The following PRKCH variants were observed in gnomAD, a reference collection of about 807,000 sequenced individuals.
The protein encoded by PRKCH is protein kinase C eta.
PRKCH carries 28 observed loss-of-function variants against 82.5 expected under a neutral mutation model. The observed-to-expected ratio is 0.34, with a 90% confidence interval of 0.25 to 0.47. The LOEUF (loss-of-function observed/expected upper bound fraction) is 0.47. PRKCH is among the 20% of genes least tolerant of loss of function. PRKCH has a pLI of 1.00. For synonymous variants in PRKCH, 322 were observed against 327.4 expected, an observed-to-expected ratio of 0.98 and a Z score of 0.18; for missense variants, 705 against 881.8, an observed-to-expected ratio of 0.80 and a Z score of 2.54.
At chr14:61,294,936 G>A (rs1290293830) in intron 1 of PRKCH, among the ~76,000 whole-genome samples, 2 of 152,020 alleles carry the variant, frequency 1.3e-5, no homozygotes, top group African/African-American at 2.4e-5. Flanking sequence ...GCAGTGGTGC[G>A]ATCTTGGCTC....
intron 10 of PRKCH, among the ~76,000 whole-genome samples, chr14:61,519,422 G>A (rs1240632502): frequency 6.6e-6 from 1 of 152,110 alleles, no homozygotes; most frequent in Admixed American, 6.5e-5. Flanking sequence ...TTTTAAAGAG[G>A]GTGAAGTAAC....
intron 1 of PRKCH, chr14:61,353,911 G>A (rs554105846): frequency 6.6e-6 from 1 of 152,214 alleles, no homozygotes; most frequent in East Asian, 1.9e-4. Context: ...CACTCCAGCA[G>A]GAGCAACAGA....
At chr14:61,458,633 A>C (rs1320459980) in intron 9 of PRKCH, among the ~76,000 whole-genome samples, 1 of 152,206 alleles carries the variant, frequency 6.6e-6, no homozygotes, top group East Asian at 1.9e-4. Context: ...TTTATGAAGA[A>C]AAAATGTTTA....
chr14:61,518,123 G>A (rs114322757), intron 10 of PRKCH, among the ~76,000 whole-genome samples: 2 of 152,162 alleles, frequency 1.3e-5, no homozygotes, highest in Non-Finnish European at 2.9e-5. Context: ...ACTGTTGGCC[G>A]CAGCATCCAG....
intron 1 of PRKCH, among the ~76,000 whole-genome samples, chr14:61,328,271 A>G (rs1242922123): frequency 6.6e-6 from 1 of 151,388 alleles, no homozygotes; most frequent in Non-Finnish European, 1.5e-5. Flanking sequence ...AAAAAAAAAA[A>G]AAAAAAAAAA....
At chr14:61,401,691 C>G (rs1881629305) in intron 2 of PRKCH, among the ~76,000 whole-genome samples, 1 of 152,176 alleles carries the variant, frequency 6.6e-6, no homozygotes, top group Non-Finnish European at 1.5e-5. Flanking sequence ...GAACAGTAAA[C>G]ATTATTCATG....
At chr14:61,413,131 C>A (rs931327371) in intron 2 of PRKCH, among the ~76,000 whole-genome samples, 2 of 152,252 alleles carry the variant, frequency 1.3e-5, no homozygotes, top group East Asian at 3.9e-4. Flanking sequence ...TCTTGACAAA[C>A]GTTTTGTATC....
intron 3 of PRKCH, among the ~76,000 whole-genome samples, chr14:61,444,271 T>C (rs1884110698): frequency 6.6e-6 from 1 of 151,998 alleles, no homozygotes; most frequent in Admixed American, 6.6e-5. Context: ...ATTGTATTAC[T>C]TTTTTTTGGG....
intron 1 of PRKCH, among the ~76,000 whole-genome samples, chr14:61,274,294 A>G (rs963844664): frequency 1.4e-4 from 22 of 152,308 alleles, no homozygotes; most frequent in East Asian, 1.9e-4. Context: ...GGGGTGTTGG[A>G]GGAAAAGTGG....
chr14:61,288,634 T>C (rs1390364909), intron 1 of PRKCH, among the ~76,000 whole-genome samples: 2 of 152,208 alleles, frequency 1.3e-5, no homozygotes, highest in Non-Finnish European at 2.9e-5. Flanking sequence ...TAGGAAAAGT[T>C]CTGTGAGGAT....
intron 1 of PRKCH, among the ~76,000 whole-genome samples, chr14:61,244,651 C>T (rs1594870946): frequency 6.6e-6 from 1 of 152,204 alleles, no homozygotes; most frequent in Non-Finnish European, 1.5e-5. Flanking sequence ...CCTGGAATAA[C>T]TCAGAGGTTT....
chr14:61,503,179 A>AT (rs991211694), intron 10 of PRKCH, among the ~76,000 whole-genome samples: 5 of 151,778 alleles, frequency 3.3e-5, no homozygotes, highest in Non-Finnish European at 7.4e-5. Context: ...GGTAGATACT[A>AT]TTTTGGCCTA....
intron 10 of PRKCH, among the ~76,000 whole-genome samples, chr14:61,510,223 G>A (rs1370565570): frequency 1.3e-5 from 2 of 152,140 alleles, no homozygotes. Context: ...GGAAGTGTGG[G>A]CTTTATTTTA....
At chr14:61,394,199 G>A (rs751721153) in intron 2 of PRKCH, among the ~76,000 whole-genome samples, 26 of 151,852 alleles carry the variant, frequency 1.7e-4, no homozygotes, top group Non-Finnish European at 3.1e-4. Context: ...TCAATATATC[G>A]TCTGCATTAT....
chr14:61,367,676 A>G (rs910864721), intron 1 of PRKCH, among the ~76,000 whole-genome samples: 6 of 150,364 alleles, frequency 4.0e-5, no homozygotes, highest in Non-Finnish European at 7.4e-5. Context: ...GGTAACAACT[A>G]CAATGAATAT....
At chr14:61,292,399 T>C (rs1278601018) in intron 1 of PRKCH, among the ~76,000 whole-genome samples, 1 of 152,046 alleles carries the variant, frequency 6.6e-6, no homozygotes, top group Non-Finnish European at 1.5e-5. Flanking sequence ...GGAGGATTGC[T>C]TGAGCCCAGG....
chr14:61,547,179 G>T (rs1157553079), intron 12 of PRKCH, among the ~76,000 whole-genome samples: 5 of 152,062 alleles, frequency 3.3e-5, no homozygotes. Context: ...GCTGCATAAA[G>T]AAAAGTGGCC....
chr14:61,357,389 T>C (rs552156876), intron 1 of PRKCH, among the ~76,000 whole-genome samples: 8 of 152,244 alleles, frequency 5.3e-5, no homozygotes, highest in Admixed American at 2.0e-4. Context: ...TGCAAACTTA[T>C]GTGTAGTCAC....
intron 1 of PRKCH, among the ~76,000 whole-genome samples, chr14:61,367,415 G>A (rs551979454): frequency 1.3e-5 from 2 of 151,726 alleles, no homozygotes; most frequent in Non-Finnish European, 2.9e-5. Context: ...AATTGCCACC[G>A]AGGTCACCGT....
Sources: gnomAD v4.1 joint callset for allele counts (sites outside exome capture counted in the v4.1 genomes callset) on GRCh38, gnomAD v4.1.1 for gene constraint, MANE v1.5 for transcripts, NCBI Gene and HGNC (gene_info 2026-07-23, HGNC 2026-07-21) for gene names.